Variants in OAF observed in about 807,000 individuals in gnomAD.
OAF encodes the protein out at first homolog.
A neutral mutation model predicts 22.5 loss-of-function variants in OAF; 13 were observed. The observed-to-expected ratio is 0.58, with a 90% CI of 0.38 to 0.92. The LOEUF is 0.92. OAF is among the 40% of genes least tolerant of loss of function. The pLI, the probability that OAF is intolerant of heterozygous loss-of-function variation, is 0.00. For synonymous variants in OAF, 175 were observed against 170.5 expected, an observed-to-expected ratio of 1.03 and a Z score of -0.21; for missense variants, 347 against 381.8, an observed-to-expected ratio of 0.91 and a Z score of 0.76.
Position 120,229,472 on chromosome 11 carries a change from T to C in OAF, c.*330T>C. On this transcript the variant is annotated 3_prime_UTR_variant, in exon 4 of 4. Transcript: ENST00000328965. ...AAAACATGATGGCCTCTGGTTGTTC[T>C]GTTGAACTCCTTGAACGTTTAGACC... 3.3e-6 allele frequency: 1 copy of C among 305,092 alleles called. No homozygotes were observed. The highest frequency in any genetic ancestry group is 6.4e-6 in the Non-Finnish European group (1 of 156,418). The allele number at this position is 305,092 out of a possible 1,614,324, so 18.9% of individuals were successfully genotyped here. A position where few individuals can be genotyped will look rare whatever the true frequency, so the allele number is the denominator to read the frequency against.
intron 1 of OAF, among the ~76,000 whole-genome samples, chr11:120,222,323 C>G (rs1197637156): frequency 1.3e-5 from 2 of 151,982 alleles, no homozygotes; most frequent in Non-Finnish European, 1.5e-5. Context: ...TTTGGGAGGC[C>G]AAGGCAGGCG....
At chr11:120,218,822 C>A (rs539594186) in intron 1 of OAF, among the ~76,000 whole-genome samples, 8 of 152,184 alleles carry the variant, frequency 5.3e-5, no homozygotes, top group Admixed American at 2.0e-4. Flanking sequence ...GGGCCTCCCC[C>A]CAAACCCCAG....
At chr11:120,227,022 G>A (rs113533099) in intron 3 of OAF, 26 bp downstream of exon 3, 45 of 1,553,480 alleles carry the variant, frequency 2.9e-5, no homozygotes, top group East Asian at 6.8e-5. Flanking sequence ...GGCACTGCCC[G>A]CTGCTGGGCG....
At chr11:120,215,798 G>T (rs917531053) in intron 1 of OAF, among the ~76,000 whole-genome samples, 14 of 152,210 alleles carry the variant, frequency 9.2e-5, no homozygotes, top group Admixed American at 6.5e-5. Flanking sequence ...AAGCTGGGAA[G>T]AGGATGAGTC....
Position 120,229,365 on chromosome 11 carries a change from G to A in OAF, c.*223G>A, listed in dbSNP as rs1938406971. Reference sequence around the variant, plus strand: ...CATTCCCACCCTGTGCCTTCCTTGCGGGCAGAGAGGGAGAGAAGGGCTCCC... The same window carrying A: ...CATTCCCACCCTGTGCCTTCCTTGCAGGCAGAGAGGGAGAGAAGGGCTCCC... On this transcript the variant is annotated 3_prime_UTR_variant, in exon 4 of 4. Transcript: ENST00000328965. The A allele has an allele frequency of 1.1e-5, 6 of 544,502 alleles. No homozygotes were observed. The highest frequency in any genetic ancestry group is 2.2e-5 in the South Asian group (1 of 45,508). The allele number at this position is 544,502 out of a possible 1,614,324, so 33.7% of individuals were successfully genotyped here.
In OAF at chr11:120,229,400, A is replaced by T; in HGVS notation, c.*258A>T. 1 of 474,648 alleles carries T rather than the reference A, an allele frequency of 2.1e-6. No individual in the cohort carries two copies. Among genetic ancestry groups the T allele is most frequent in the Non-Finnish European group, 3.9e-6 (1 of 256,170 alleles). The allele number at this position is 474,648 out of a possible 1,614,324, so 29.4% of individuals were successfully genotyped here. The stretch of plus-strand genomic sequence containing the variant: ...GGAGAGAAGGGCTCCCCAGATCTAC[A>T]CCCCTCCCTCCTGCATCTCCCCTGG... On this transcript the variant is annotated 3_prime_UTR_variant, in exon 4 of 4. Coordinates refer to ENST00000328965, the MANE Select transcript of OAF (RefSeq NM_178507.4).
chr11:120,218,664 A>C (rs1271122383), intron 1 of OAF, among the ~76,000 whole-genome samples: 2 of 152,156 alleles, frequency 1.3e-5, no homozygotes, highest in Non-Finnish European at 1.5e-5. Flanking sequence ...GAAGAATGGG[A>C]GGGGGCCAAG....
Position 120,229,363 on chromosome 11 carries a change from GC to G in OAF, c.*222del. ...CCCATTCCCACCCTGTGCCTTCCTTGCGGGCAGAGAGGGAGAGAAGGGCTCC... is the reference window on the plus strand; with the variant it reads ...CCCATTCCCACCCTGTGCCTTCCTTGGGGCAGAGAGGGAGAGAAGGGCTCC... On this transcript the variant is annotated 3_prime_UTR_variant, in exon 4 of 4. Transcript: ENST00000328965. 9.0e-6 allele frequency: 5 copies of G among 553,180 alleles called. No individual in the cohort carries two copies. The highest frequency in any genetic ancestry group is 9.8e-6 in the Non-Finnish European group (3 of 306,968). 34.3% of individuals were successfully genotyped at this position (553,180 alleles called of 1,614,324 possible).
At chr11:120,222,751 A>C (rs1035179316) in intron 1 of OAF, among the ~76,000 whole-genome samples, 29 of 152,074 alleles carry the variant, frequency 1.9e-4, no homozygotes, top group African/African-American at 6.8e-4. Flanking sequence ...GTCTCTACTA[A>C]AAATACAAAA....
At chr11:120,215,982 C>T (rs1938206546) in intron 1 of OAF, among the ~76,000 whole-genome samples, 1 of 152,120 alleles carries the variant, frequency 6.6e-6, no homozygotes, top group African/African-American at 2.4e-5. Flanking sequence ...GGAGGGGATC[C>T]TGAAGGCCCA....
rs779439439 is a variant in OAF at position 120,225,771 on chromosome 11, T to A, written c.342T>A (p.Ser114Arg). 1 of 1,603,800 alleles carries A rather than the reference T, an allele frequency of 6.2e-7. No homozygotes were observed. Among genetic ancestry groups the A allele is most frequent in the South Asian group, 1.1e-5 (1 of 89,998 alleles). The change falls in exon 2 of 4, where the codon AGT becomes AGA. Residue 114 changes from serine (S) to arginine (R), a missense_variant. Physicochemically the swap from Ser to Arg is moderately radical, Grantham distance 110 (BLOSUM62 -1). Transcript: ENST00000328965. ...TQLQHNEIIP[S>R]EAMAKLRQKN... ...TGCAGCACAATGAGATCATCCCCAG[T>A]GAGGCCATGGCCAAGCTCCGGCAGG...
Position 120,226,930 on chromosome 11 carries a change from G to A in OAF, c.481G>A (p.Val161Met), listed in dbSNP as rs375967354. The A allele has an allele frequency of 7.4e-5, 119 of 1,610,588 alleles. 1 individual carries two copies. Among genetic ancestry groups the A allele is most frequent in the East Asian group, 3.6e-4 (16 of 44,758 alleles). The change falls in exon 3 of 4, where the codon GTG becomes ATG. Residue 161 changes from valine (V) to methionine (M), a missense_variant. Coordinates refer to ENST00000328965, the MANE Select transcript of OAF (RefSeq NM_178507.4). The part of the protein sequence containing the change: ...GALLSPHLHN[V>M]CAEAVDAIYT... ...CCTGCTGAGCCCCCATCTCCACAACGTGTGTGCCGAGGCCGTGGATGCCAT... is the reference window on the plus strand; with the variant it reads ...CCTGCTGAGCCCCCATCTCCACAACATGTGTGCCGAGGCCGTGGATGCCAT...
At chr11:120,213,167 CTT>C (rs1938172850) in intron 1 of OAF, among the ~76,000 whole-genome samples, 1 of 151,830 alleles carries the variant, frequency 6.6e-6, no homozygotes, top group Non-Finnish European at 1.5e-5. Context: ...TAGGGCTGAG[CTT>C]TTATAGCCTT....
intron 1 of OAF, among the ~76,000 whole-genome samples, chr11:120,222,366 T>C (rs1465298020): frequency 6.6e-6 from 1 of 151,484 alleles, no homozygotes; most frequent in Non-Finnish European, 1.5e-5. Context: ...GATACCAGCC[T>C]GGGCAACCTG....
intron 1 of OAF, among the ~76,000 whole-genome samples, chr11:120,214,896 G>C (rs992323781): frequency 3.9e-5 from 6 of 152,220 alleles, no homozygotes; most frequent in African/African-American, 1.2e-4. Flanking sequence ...CAGGCTGACC[G>C]AGCCACAGCT....
chr11:120,228,825 T>TGCCCAA, intron 3 of OAF, 43 bp from the exon 4 acceptor site: 8 of 434,170 alleles, frequency 1.8e-5, no homozygotes, highest in East Asian at 1.1e-4. Context: ...GCTCCTTCCC[T>TGCCCAA]CCCTCCCTCC....
intron 3 of OAF, 43 bp from the exon 4 acceptor site, chr11:120,228,824 CT>C: frequency 7.7e-6 from 4 of 519,060 alleles, no homozygotes; most frequent in East Asian, 3.5e-5. Context: ...AGCTCCTTCC[CT>C]CCCTCCCTCC....
chr11:120,212,244 CGGTGGGTGGGTG>C (rs56028329), intron 1 of OAF, among the ~76,000 whole-genome samples: 6 of 97,678 alleles, frequency 6.1e-5, no homozygotes, highest in South Asian at 4.7e-4. Context: ...GAGACCAGCC[CGGTGGGTGGGTG>C]GGTGGGTGGG....
At chr11:120,218,752 T>G (rs1187273317) in intron 1 of OAF, among the ~76,000 whole-genome samples, 1 of 151,624 alleles carries the variant, frequency 6.6e-6, no homozygotes, top group Non-Finnish European at 1.5e-5. Flanking sequence ...GGAAGCAGGG[T>G]GTGGAGGGAA....
Sources: allele counts gnomAD v4.1 joint callset (sites outside exome capture counted in the v4.1 genomes callset), GRCh38; gene constraint gnomAD v4.1.1; transcripts MANE v1.5; gene names NCBI Gene and HGNC (gene_info 2026-07-23, HGNC 2026-07-21).